The following ZNF707 variants were observed in gnomAD, a reference collection of about 807,000 sequenced individuals.
ZNF707 encodes the protein zinc finger protein 707.
In ZNF707, 8 loss-of-function variants were observed where a neutral mutation model predicts 13.3. The observed-to-expected ratio is 0.60, with a 90% CI of 0.35 to 1.09. ZNF707 has a LOEUF of 1.09. Ranked by LOEUF, ZNF707 falls within the 50% of genes least tolerant of loss-of-function variation. ZNF707 has a pLI of 0.02. For synonymous variants in ZNF707, 225 were observed against 205.6 expected, an observed-to-expected ratio of 1.09 and a Z score of -0.81; for missense variants, 530 against 512.6, an observed-to-expected ratio of 1.03 and a Z score of -0.33.
At chr8:143,687,759 G>A (rs1206368085) in intron 1 of ZNF707, among the ~76,000 whole-genome samples, 1 of 152,186 alleles carries the variant, frequency 6.6e-6, no homozygotes, top group Admixed American at 6.5e-5. Flanking sequence ...CCTGGTCTCA[G>A]AGGGAAAGAG....
At chr8:143,691,792 G>A in intron 5 of ZNF707, 79 bp downstream of exon 5, 1 of 1,239,962 alleles carries the variant, frequency 8.1e-7, no homozygotes, top group Non-Finnish European at 1.1e-6. Context: ...GCACGCTGCA[G>A]TGACCAAGGG....
chr8:143,687,803 G>C, intron 1 of ZNF707, among the ~76,000 whole-genome samples: 1 of 152,170 alleles, frequency 6.6e-6, no homozygotes, highest in East Asian at 1.9e-4. Flanking sequence ...GATGTTGGTT[G>C]CAGGTCTGCC....
At chr8:143,690,846 A>T in intron 3 of ZNF707, 1 of 587,966 alleles carries the variant, frequency 1.7e-6, no homozygotes, top group Non-Finnish European at 2.9e-6. Flanking sequence ...GACCAGGTCC[A>T]TGGGTCAGGG....
At chr8:143,684,817 G>C (rs1293231866) in intron 1 of ZNF707, 1 of 152,390 alleles carries the variant, frequency 6.6e-6, no homozygotes, top group Non-Finnish European at 1.5e-5. Flanking sequence ...GACCCCGTCC[G>C]CGATCGTGAC....
chr8:143,689,492 G>A (rs1393591865), intron 2 of ZNF707, among the ~76,000 whole-genome samples, 191 bp downstream of exon 2: 1 of 152,144 alleles, frequency 6.6e-6, no homozygotes, highest in Non-Finnish European at 1.5e-5. Flanking sequence ...GGATCTCAGC[G>A]GGCTGGGGCC....
In ZNF707 at chr8:143,693,927, AGT is replaced by A; in HGVS notation, c.514_515del (p.Val172ArgfsTer289). 1 of 1,608,244 alleles carries A rather than the reference AGT, an allele frequency of 6.2e-7. No homozygotes were observed. ...GCAGAGAGCGCCGGAAGCAGCGCGC[AGT>A]AGAGCTGTCATTCATCTGCGGCACG... Reference protein sequence around the residue: ...GRRERRKQRAVELSFICGTCG... With the variant: ...GRRERRKQRAXELSFICGTCG... On this transcript the variant is annotated frameshift_variant, in exon 6 of 6. Coordinates refer to ENST00000358656, the MANE Select transcript of ZNF707 (RefSeq NM_001100598.2). LOFTEE classifies it low-confidence loss of function (END_TRUNC). This position sits in a 1 kb window ranked among gnomAD's most constrained non-coding sequence, Gnocchi z 4.1.
chr8:143,694,456 C>T lies in ZNF707; in HGVS notation c.1042C>T (p.His348Tyr). The T allele has an allele frequency of 1.2e-6, 2 of 1,612,060 alleles. No individual in the cohort carries two copies. The highest frequency in any genetic ancestry group is 1.7e-6 in the Non-Finnish European group (2 of 1,179,316). Residue 348 changes from histidine to tyrosine, a missense_variant, in exon 6 of 6, where the codon CAC becomes TAC. By Grantham distance (83) the His-to-Tyr change is moderately conservative. Transcript: ENST00000358656. This position sits in a 1 kb window ranked among gnomAD's most constrained non-coding sequence, Gnocchi z 4.4. ...GACGAAGAGGTTCTACGAGTGCGGC[C>T]ACTGTGGGAAAGGCTTCCGTCACCT... ...HLTKRFYECG[H>Y]CGKGFRHLGF...
chr8:143,690,828 C>T, intron 3 of ZNF707: 2 of 552,302 alleles, frequency 3.6e-6, no homozygotes, highest in East Asian at 3.0e-5. Flanking sequence ...TCTGGAGTCT[C>T]CTGTGAGGAC....
In ZNF707 at chr8:143,694,530, G is replaced by A; in HGVS notation, c.1116G>A (p.Ter372=). 1.3e-6 allele frequency: 2 copies of A among 1,593,198 alleles called. No homozygotes were observed. Among genetic ancestry groups the A allele is most frequent in the Non-Finnish European group, 8.6e-7 (1 of 1,166,088 alleles). Residue 372 remains the stop codon, a stop_retained_variant, in exon 6 of 6, where the codon TAG becomes TAA. Transcript: ENST00000358656. The surrounding 1 kb of genome is among the most constrained non-coding windows in gnomAD (Gnocchi z 4.4). ...HQRTHRHGEV[*] ...GGACTCACAGGCACGGGGAGGTGTA[G>A]GGGCGCCCGAAGAGTGGGGTGCTGC...
chr8:143,691,094 G>T lies in ZNF707; in HGVS notation c.37G>T (p.Val13Leu). ...MAQEPVTFRD[V>L]AIYFSREEWA... is the part of the protein sequence containing the mutation. ...GCAGGAGCCAGTGACCTTCAGGGACGTGGCCATCTACTTCTCAAGGGAGGA... is the reference window on the plus strand; with the variant it reads ...GCAGGAGCCAGTGACCTTCAGGGACTTGGCCATCTACTTCTCAAGGGAGGA... Residue 13 changes from valine to leucine, a missense_variant, in exon 4 of 6, where the codon GTG becomes TTG. Val to Leu is a conservative substitution (Grantham distance 32). Transcript: ENST00000358656. 1.2e-6 allele frequency: 2 copies of T among 1,613,894 alleles called. No homozygotes were observed. The highest frequency in any genetic ancestry group is 1.7e-6 in the Non-Finnish European group (2 of 1,179,868).
chr8:143,692,185 GGT>G (rs1816872760), intron 5 of ZNF707: 1 of 1,292,636 alleles, frequency 7.7e-7, no homozygotes, highest in Non-Finnish European at 1.0e-6. Context: ...CCCTCCATTA[GGT>G]GAGGGTTGCT....
In ZNF707 at chr8:143,693,811, CT is replaced by C. The variant is rs782465552; in HGVS notation, c.399del (p.Arg135GlufsTer38). On this transcript the variant is annotated frameshift_variant, in exon 6 of 6. Transcript: ENST00000358656. LOFTEE classifies it low-confidence loss of function (END_TRUNC). The surrounding 1 kb of genome is among the most constrained non-coding windows in gnomAD (Gnocchi z 4.1). ...GFRLDTDDGQLPRAAPERTDA... is the reference protein window; with the variant it reads ...GFRLDTDDGQXPRAAPERTDA... ...CAGGCTGGACACGGATGACGGGCAG[CT>C]TCCCAGAGCTGCTCCAGAAAGGACA... The C allele has an allele frequency of 2.5e-5, 40 of 1,612,624 alleles. No individual in the cohort carries two copies. The highest frequency in any genetic ancestry group is 3.4e-5 in the Non-Finnish European group (40 of 1,179,824).
intron 1 of ZNF707, chr8:143,686,844 A>G (rs535469317): frequency 4.5e-4 from 66 of 145,882 alleles, no homozygotes; most frequent in African/African-American, 1.7e-3. Flanking sequence ...GTAAACAAAA[A>G]TTTTTAATTC....
At chr8:143,690,261 A>C in intron 3 of ZNF707, 138 bp downstream of exon 3, 3 of 1,169,068 alleles carry the variant, frequency 2.6e-6, no homozygotes, top group South Asian at 1.4e-5. Context: ...CTTCTCTCTT[A>C]AGGGGTGGGG....
At chr8:143,685,819 G>A (rs920138791) in intron 1 of ZNF707, among the ~76,000 whole-genome samples, 1 of 152,174 alleles carries the variant, frequency 6.6e-6, no homozygotes, top group African/African-American at 2.4e-5. Context: ...TTCCAGCCTG[G>A]GTGACAGAGC....
chr8:143,694,263 CG>C lies in ZNF707; in HGVS notation c.853del (p.Glu285SerfsTer55). The C allele has an allele frequency of 3.8e-6, 6 of 1,591,870 alleles. No individual in the cohort carries two copies. The highest frequency in any genetic ancestry group is 5.1e-6 in the Non-Finnish European group (6 of 1,169,258). On this transcript the variant is annotated frameshift_variant, in exon 6 of 6. Transcript: ENST00000358656. LOFTEE classifies it low-confidence loss of function (END_TRUNC). This position sits in a 1 kb window ranked among gnomAD's most constrained non-coding sequence, Gnocchi z 4.4. Reference sequence around the variant, plus strand: ...TTCTCAGACACCAGCTGGTGCACACCGGGGAGCGGCCGTTCTACTGCGCGGA... The same window carrying C: ...TTCTCAGACACCAGCTGGTGCACACCGGGAGCGGCCGTTCTACTGCGCGGA... Reference protein sequence around the residue: ...NLLRHQLVHTGERPFYCADCG... With the variant: ...NLLRHQLVHTXERPFYCADCG...
chr8:143,692,077 C>A (rs1816862004), intron 5 of ZNF707: 18 of 1,352,056 alleles, frequency 1.3e-5, no homozygotes, highest in Non-Finnish European at 1.7e-5. Flanking sequence ...GGGTCCCAGG[C>A]CTGGTACTGA....
Position 143,694,768 on chromosome 8 carries a change from C to T in ZNF707, c.*238C>T, listed in dbSNP as rs549568894. 2.8e-4 allele frequency: 143 copies of T among 503,384 alleles called. No individual in the cohort carries two copies. In the Admixed American group the frequency reaches 2.9e-3, roughly 10 times the overall value. 31.2% of individuals were successfully genotyped at this position (503,384 alleles called of 1,614,324 possible). Reference sequence around the variant, plus strand: ...TCTGGAGATGGCGGGGGCTGCGCCCCGGCGCCGGGCATCCTGGGGATGTGC... The same window carrying T: ...TCTGGAGATGGCGGGGGCTGCGCCCTGGCGCCGGGCATCCTGGGGATGTGC... On this transcript the variant is annotated 3_prime_UTR_variant, in exon 6 of 6. Transcript: ENST00000358656. The surrounding 1 kb of genome is among the most constrained non-coding windows in gnomAD (Gnocchi z 4.4).
At position 143,693,790 on chromosome 8, in the gene ZNF707, C is replaced by T; in HGVS notation, c.376C>T (p.Leu126=). Residue 126 remains leucine (L), a synonymous_variant, in exon 6 of 6, where the codon CTG becomes TTG. Coordinates refer to ENST00000358656, the MANE Select transcript of ZNF707 (RefSeq NM_001100598.2). This position sits in a 1 kb window ranked among gnomAD's most constrained non-coding sequence, Gnocchi z 4.1. ...AAGCAGCTTTAGGAAGGGCTTCAGG[C>T]TGGACACGGATGACGGGCAGCTTCC... ...EGSSFRKGFR[L]DTDDGQLPRA... The T allele has an allele frequency of 6.2e-7, 1 of 1,613,012 alleles. No individual in the cohort carries two copies. Among genetic ancestry groups the T allele is most frequent in the Non-Finnish European group, 8.5e-7 (1 of 1,179,852 alleles).
Sources: allele counts gnomAD v4.1 joint callset (sites outside exome capture counted in the v4.1 genomes callset), GRCh38; gene constraint gnomAD v4.1.1; non-coding constraint Gnocchi (gnomAD v3.1); transcripts MANE v1.5; gene names NCBI Gene and HGNC (gene_info 2026-07-23, HGNC 2026-07-21).